DBT: variants seen among roughly 807,000 people sequenced by gnomAD.
DBT encodes dihydrolipoamide branched chain transacylase E2.
Under a neutral mutation model 51.3 loss-of-function variants are expected in DBT, and 40 were observed. That is an observed-to-expected ratio of 0.78 (90% CI 0.61 to 1.02). DBT has a LOEUF of 1.02. DBT is among the 50% of genes least tolerant of loss of function. The probability of loss-of-function intolerance (pLI) is 0.00; values close to 1 mark genes in which losing one functional copy is unlikely to be tolerated. For synonymous variants in DBT, 181 were observed against 190.4 expected, an observed-to-expected ratio of 0.95 and a Z score of 0.41; for missense variants, 510 against 580.2, an observed-to-expected ratio of 0.88 and a Z score of 1.24.
At chr1:100,215,037 C>CTTTTT in intron 6 of DBT, 54 bp from the exon 7 acceptor site, 2 of 964,222 alleles carry the variant, frequency 2.1e-6, no homozygotes, top group Non-Finnish European at 3.0e-6. Context: ...TCTCTTCATC[C>CTTTTT]TTTTTTTTTT....
In DBT at chr1:100,216,035, T is replaced by C. The variant is rs188171155; in HGVS notation, c.720A>G (p.Leu240=). 16 of 1,613,496 alleles carry C rather than the reference T, an allele frequency of 9.9e-6. No individual in the cohort carries two copies. Among genetic ancestry groups the C allele is most frequent in the Non-Finnish European group, 5.1e-6 (6 of 1,179,462 alleles). ...PKPKDMTVPI[L]VSKPPVFTGK... ...CTGTGAATACCGGAGGTTTTGATAC[T>C]AGTATAGGAACAGTCATGTCTTTTG... The change falls in exon 6 of 11, where the codon CTA becomes CTG. Residue 240 remains leucine (L), a synonymous_variant. Coordinates refer to ENST00000370132, the MANE Select transcript of DBT (RefSeq NM_001918.5).
rs988365173 is a variant in DBT, at chr1:100,194,006, T to C, written c.*2249A>G. On this transcript the variant is annotated 3_prime_UTR_variant, in exon 11 of 11. Coordinates refer to ENST00000370132, the MANE Select transcript of DBT (RefSeq NM_001918.5). ...AAATCAAATAATAAAATAGTAGATA[T>C]GCTATGATCATGTTTTAACAAAAAA... 2 of 152,206 alleles carry C rather than the reference T, an allele frequency of 1.3e-5. No homozygotes were observed. Among genetic ancestry groups the C allele is most frequent in the East Asian group, 1.9e-4 (1 of 5,202 alleles). 9.4% of individuals were successfully genotyped at this position (152,206 alleles called of 1,614,324 possible).
At chr1:100,247,969 G>T (rs138254895) in intron 1 of DBT, among the ~76,000 whole-genome samples, 1 of 152,018 alleles carries the variant, frequency 6.6e-6, no homozygotes, top group African/African-American at 2.4e-5. Flanking sequence ...GGGCATGGTG[G>T]CGTGTGCCTG....
At chr1:100,216,322 T>C in intron 5 of DBT, 123 bp from the exon 6 acceptor site, 2 of 732,112 alleles carry the variant, frequency 2.7e-6, no homozygotes, top group Non-Finnish European at 4.7e-6. Context: ...TAAAAGGAAA[T>C]AACCTTTTCA....
chr1:100,222,524 T>C (rs1463319095), intron 4 of DBT, among the ~76,000 whole-genome samples: 2 of 152,168 alleles, frequency 1.3e-5, no homozygotes, highest in Non-Finnish European at 2.9e-5. Flanking sequence ...AAATCCTAAC[T>C]CCACCACTTA....
intron 7 of DBT, chr1:100,211,225 G>A (rs1662117490): frequency 1.4e-6 from 1 of 690,482 alleles, no homozygotes; most frequent in South Asian, 1.6e-5. Context: ...ATGCCAGTTT[G>A]CTACTTGGTG....
chr1:100,213,350 C>G (rs890412140), intron 7 of DBT: 2 of 1,527,444 alleles, frequency 1.3e-6, no homozygotes, highest in African/African-American at 2.8e-5. Context: ...GGAGGCCGGC[C>G]AGGGCGACTA....
At chr1:100,228,192 T>C (rs1226972238) in intron 4 of DBT, among the ~76,000 whole-genome samples, 1 of 152,156 alleles carries the variant, frequency 6.6e-6, no homozygotes, top group Non-Finnish European at 1.5e-5. Flanking sequence ...ACAGGAAATA[T>C]AACGACTAGA....
At chr1:100,236,611 G>A (rs1436159364) in intron 2 of DBT, among the ~76,000 whole-genome samples, 2 of 152,026 alleles carry the variant, frequency 1.3e-5, no homozygotes, top group Admixed American at 1.3e-4. Context: ...GTATAACCTG[G>A]CAACTTTCTG....
chr1:100,206,470 G>A lies in DBT; in HGVS notation c.1184C>T (p.Thr395Ile), dbSNP rs1661797765. 1 of 1,613,670 alleles carries A rather than the reference G, an allele frequency of 6.2e-7. No homozygotes were observed. Among genetic ancestry groups the A allele is most frequent in the Non-Finnish European group, 8.5e-7 (1 of 1,179,624 alleles). The stretch of plus-strand genomic sequence containing the variant: ...TGATCCAATGTTGGAAAGAGTAAAT[G>A]TTCCTCCTGTAAGATCAGTGGTGCT... The part of the protein sequence containing the change: ...QLSTTDLTGG[T>I]FTLSNIGSIG... The change falls in exon 9 of 11, where the codon ACA becomes ATA. Residue 395 changes from threonine to isoleucine, a missense_variant. Physicochemically the swap from Thr to Ile is moderately conservative, Grantham distance 89. Transcript: ENST00000370132.
intron 4 of DBT, among the ~76,000 whole-genome samples, chr1:100,222,058 C>G (rs758702123): frequency 2.9e-4 from 44 of 152,192 alleles, no homozygotes; most frequent in Non-Finnish European, 5.4e-4. Context: ...GACATCCAAA[C>G]TGAAAAGATT....
chr1:100,224,999 C>T (rs1272749702), intron 4 of DBT, among the ~76,000 whole-genome samples: 1 of 114,686 alleles, frequency 8.7e-6, no homozygotes, highest in Non-Finnish European at 1.7e-5. Flanking sequence ...AGCCTGGCGA[C>T]AGAGTGAGAC....
intron 10 of DBT, among the ~76,000 whole-genome samples, chr1:100,203,244 A>G (rs1484593882): frequency 2.6e-5 from 4 of 152,136 alleles, no homozygotes; most frequent in East Asian, 1.9e-4. Context: ...TCAAATAGAC[A>G]CAATAAAAAA....
At chr1:100,231,046 G>T in intron 3 of DBT, 132 bp from the exon 4 acceptor site, 1 of 648,560 alleles carries the variant, frequency 1.5e-6, no homozygotes, top group Non-Finnish European at 2.8e-6. Context: ...GGTGTACTAA[G>T]CAATGTTTCA....
intron 5 of DBT, among the ~76,000 whole-genome samples, chr1:100,218,395 C>T (rs1028711663): frequency 6.6e-6 from 1 of 152,170 alleles, no homozygotes; most frequent in Admixed American, 6.5e-5. Context: ...TGTTATTAGG[C>T]TCTAAGAAAG....
intron 2 of DBT, among the ~76,000 whole-genome samples, chr1:100,238,182 TTCCCTCCTTCCTTCCTTCCCTCCTTCC>T (rs1247919397): frequency 4.8e-5 from 1 of 20,902 alleles, no homozygotes; most frequent in African/African-American, 7.4e-5. Context: ...GCTTCCTTCC[TTCCCTCCTTCCTTCCTTCCCTCCTTCC>T]TCCCTCGCTT....
intron 1 of DBT, among the ~76,000 whole-genome samples, chr1:100,245,436 T>C (rs1557963285): frequency 6.6e-6 from 1 of 152,194 alleles, no homozygotes; most frequent in Admixed American, 6.5e-5. Context: ...ATTTTATATT[T>C]GAAGCAATTC....
At chr1:100,231,117 A>T (rs1046269799) in intron 3 of DBT, among the ~76,000 whole-genome samples, 2 of 152,210 alleles carry the variant, frequency 1.3e-5, no homozygotes, top group African/African-American at 4.8e-5. Context: ...ACTCAAAAAA[A>T]TTTTAAGCAA....
intron 3 of DBT, among the ~76,000 whole-genome samples, chr1:100,233,238 T>C (rs540632400): frequency 6.6e-6 from 1 of 152,252 alleles, no homozygotes; most frequent in East Asian, 1.9e-4. Flanking sequence ...AGAGTGGCTA[T>C]ACTATCAGAC....
Sources: allele counts gnomAD v4.1 joint callset (sites outside exome capture counted in the v4.1 genomes callset), GRCh38; gene constraint gnomAD v4.1.1; transcripts MANE v1.5; gene names NCBI Gene and HGNC (gene_info 2026-07-23, HGNC 2026-07-21).